Variants in ERBB4 observed in about 807,000 individuals in gnomAD.
ERBB4 encodes the protein receptor tyrosine-protein kinase erbB-4.
A neutral mutation model predicts 158.0 loss-of-function variants in ERBB4; 42 were observed. The observed-to-expected ratio is 0.27, with a 90% CI of 0.21 to 0.34. ERBB4 has a LOEUF of 0.34. ERBB4 is among the 10% of genes least tolerant of loss of function. The pLI, the probability that ERBB4 is intolerant of heterozygous loss-of-function variation, is 1.00. For synonymous variants in ERBB4, 583 were observed against 558.7 expected, an observed-to-expected ratio of 1.04 and a Z score of -0.61; for missense variants, 1,333 against 1,624.1, an observed-to-expected ratio of 0.82 and a Z score of 3.08.
At chr2:212,083,924 G>GAA (rs35084075) in intron 2 of ERBB4, among the ~76,000 whole-genome samples, 31,589 of 143,652 alleles carry the variant, frequency 0.22, 3,726 homozygotes, top group African/African-American at 0.26. Context: ...TTGTTCACAG[G>GAA]AAAAAAAAAA....
chr2:212,349,326 T>G, intron 1 of ERBB4, among the ~76,000 whole-genome samples: 1 of 124,134 alleles, frequency 8.1e-6, no homozygotes, highest in Non-Finnish European at 1.9e-5. Flanking sequence ...CACACACCCT[T>G]CAAGTGTTTG....
chr2:211,841,468 G>T (rs1012851016), intron 3 of ERBB4, among the ~76,000 whole-genome samples: 1 of 151,988 alleles, frequency 6.6e-6, no homozygotes, highest in Non-Finnish European at 1.5e-5. Context: ...ACATTGTATT[G>T]TTACTTTAGG....
At chr2:212,026,297 T>C (rs1396047723) in intron 2 of ERBB4, among the ~76,000 whole-genome samples, 1 of 151,770 alleles carries the variant, frequency 6.6e-6, no homozygotes, top group Non-Finnish European at 1.5e-5. Flanking sequence ...TTCAGTCACC[T>C]ATAAGGTTCC....
intron 2 of ERBB4, among the ~76,000 whole-genome samples, chr2:211,980,912 A>G (rs2081773949): frequency 6.6e-6 from 1 of 152,012 alleles, no homozygotes; most frequent in Non-Finnish European, 1.5e-5. Context: ...ATTTGAGTAG[A>G]TCATCACTGC....
intron 3 of ERBB4, among the ~76,000 whole-genome samples, chr2:211,854,233 A>G (rs1437684689): frequency 6.6e-6 from 1 of 152,126 alleles, no homozygotes; most frequent in Non-Finnish European, 1.5e-5. Context: ...GTCCATAGTT[A>G]GAAGGCCTCA....
intron 3 of ERBB4, among the ~76,000 whole-genome samples, chr2:211,918,131 G>T (rs1167863151): frequency 6.6e-6 from 1 of 152,122 alleles, no homozygotes; most frequent in South Asian, 2.1e-4. Context: ...AATACAAATG[G>T]AGCTGATTTA....
intron 1 of ERBB4, among the ~76,000 whole-genome samples, chr2:212,190,472 G>T (rs2082154884): frequency 6.6e-6 from 1 of 151,626 alleles, no homozygotes; most frequent in African/African-American, 2.4e-5. Flanking sequence ...GGGAGGTGGG[G>T]CTTGCAGTGA....
intron 1 of ERBB4, among the ~76,000 whole-genome samples, chr2:212,470,543 G>A (rs1182259687): frequency 6.6e-6 from 1 of 152,136 alleles, no homozygotes; most frequent in Non-Finnish European, 1.5e-5. Flanking sequence ...GCAAAGTTAA[G>A]AAGATATGAG....
intron 5 of ERBB4, among the ~76,000 whole-genome samples, chr2:211,726,750 T>G (rs1432653617): frequency 6.6e-6 from 1 of 152,160 alleles, no homozygotes; most frequent in East Asian, 1.9e-4. Context: ...CTAAAAGTAA[T>G]GGCTTGAACC....
chr2:212,466,170 T>G (rs1688824489), intron 1 of ERBB4, among the ~76,000 whole-genome samples: 1 of 152,194 alleles, frequency 6.6e-6, no homozygotes, highest in African/African-American at 2.4e-5. Context: ...AGTAGTGACT[T>G]TTGTTGTATT....
intron 19 of ERBB4, among the ~76,000 whole-genome samples, chr2:211,568,929 C>T (rs754835911): frequency 1.4e-4 from 22 of 152,096 alleles, no homozygotes; most frequent in African/African-American, 4.6e-4. Context: ...ATAAAATAAA[C>T]GAAATCTGCA....
At chr2:211,499,925 G>A (rs2065574690) in intron 20 of ERBB4, among the ~76,000 whole-genome samples, 1 of 151,460 alleles carries the variant, frequency 6.6e-6, no homozygotes, top group African/African-American at 2.4e-5. Flanking sequence ...CGTAGGCACT[G>A]TGACTATCCT....
In ERBB4 at chr2:211,569,148, T is replaced by C. The variant is rs2067639551; in HGVS notation, c.2302-7060A>G. ...AAACTTTGAAGTCAGCACTTTTCCA[T>C]CTCTATTCTACATCATTCACCCATT... On this transcript the variant is annotated intron_variant, in intron 19 of 27. Transcript: ENST00000342788. Among the ~76,000 whole-genome samples, 3 of 152,180 alleles carry C rather than the reference T, an allele frequency of 2.0e-5. No individual in the cohort carries two copies. The South Asian group carries it at 6.2e-4, about 31-fold the overall frequency.
intron 19 of ERBB4, among the ~76,000 whole-genome samples, chr2:211,607,138 T>TA (rs2069013071): frequency 6.6e-6 from 1 of 152,194 alleles, no homozygotes; most frequent in African/African-American, 2.4e-5. Context: ...ATAACTTGTT[T>TA]AAAAAAATAA....
At chr2:212,049,819 G>T (rs1252945417) in intron 2 of ERBB4, among the ~76,000 whole-genome samples, 2 of 152,172 alleles carry the variant, frequency 1.3e-5, no homozygotes, top group Non-Finnish European at 2.9e-5. Flanking sequence ...CAAAACATGT[G>T]TGGGCTTCAG....
intron 20 of ERBB4, among the ~76,000 whole-genome samples, chr2:211,542,268 A>C (rs2066829492): frequency 6.6e-6 from 1 of 152,000 alleles, no homozygotes; most frequent in South Asian, 2.1e-4. Flanking sequence ...GAGCATCAGA[A>C]TGAAGCAGTC....
At chr2:211,563,445 C>T (rs2067461130) in intron 19 of ERBB4, among the ~76,000 whole-genome samples, 1 of 152,090 alleles carries the variant, frequency 6.6e-6, no homozygotes, top group South Asian at 2.1e-4. Flanking sequence ...AGAAACTGGC[C>T]TGTACTTATT....
chr2:211,425,020 T>C (rs1303445704), intron 22 of ERBB4, among the ~76,000 whole-genome samples: 1 of 152,174 alleles, frequency 6.6e-6, no homozygotes, highest in Non-Finnish European at 1.5e-5. Flanking sequence ...AATGGTAGCA[T>C]GCAAACAGCC....
intron 12 of ERBB4, 151 bp downstream of exon 12, chr2:211,701,816 T>C (rs1160736472): frequency 3.4e-6 from 2 of 588,078 alleles, no homozygotes; most frequent in East Asian, 3.1e-5. Context: ...TTTTATACCA[T>C]GTTGGTAATT....
Sources: allele counts gnomAD v4.1 joint callset (sites outside exome capture counted in the v4.1 genomes callset), GRCh38; gene constraint gnomAD v4.1.1; transcripts MANE v1.5; gene names NCBI Gene and HGNC (gene_info 2026-07-23, HGNC 2026-07-21).